Variants in KIFC3 observed in about 807,000 individuals in gnomAD.
KIFC3 encodes the protein kinesin-like protein KIFC3.
In KIFC3, 60 loss-of-function variants were observed where a neutral mutation model predicts 101.8. That is an observed-to-expected ratio of 0.59 (90% CI 0.48 to 0.73). The LOEUF (loss-of-function observed/expected upper bound fraction) is 0.73, where lower values mean the gene tolerates loss of function less well. KIFC3 is among the 30% of genes least tolerant of loss of function. The pLI, the probability that KIFC3 is intolerant of heterozygous loss-of-function variation, is 0.00. For missense variants in KIFC3, 966 were observed against 1,137.1 expected, an observed-to-expected ratio of 0.85 and a Z score of 2.16; for synonymous variants, 476 against 482.7, an observed-to-expected ratio of 0.99 and a Z score of 0.18.
intron 12 of KIFC3, among the ~76,000 whole-genome samples, 156 bp from the exon 13 acceptor site, chr16:57,762,426 C>CA (rs1239502494): frequency 3.3e-5 from 5 of 152,228 alleles, no homozygotes; most frequent in African/African-American, 1.2e-4. Flanking sequence ...TGCCCTCCAC[C>CA]AGCTGCGGGC....
At chr16:57,853,974 T>G (rs569018312) in intron 1 of KIFC3, among the ~76,000 whole-genome samples, 2 of 151,844 alleles carry the variant, frequency 1.3e-5, no homozygotes, top group South Asian at 4.2e-4. Context: ...CTGGGTCTCG[T>G]TCTGCCACCC....
intron 1 of KIFC3, among the ~76,000 whole-genome samples, chr16:57,859,830 T>C (rs2056255791): frequency 6.6e-6 from 1 of 151,796 alleles, no homozygotes; most frequent in African/African-American, 2.4e-5. Flanking sequence ...GAGACCAGCC[T>C]GGCCAACATG....
At chr16:57,816,866 G>A (rs782360300) in intron 1 of KIFC3, 25 of 405,768 alleles carry the variant, frequency 6.2e-5, no homozygotes, top group South Asian at 4.3e-4. Flanking sequence ...GTCTCCCTGT[G>A]ACCAAATCTG....
In KIFC3 at chr16:57,765,534, G is replaced by C; in HGVS notation, c.1437C>G (p.Ile479Met). The part of the protein sequence containing the change: ...VTFDADDDSI[I>M]HLLHKGKPVS... ...CAGGCTTGCCCTTGTGCAGCAGGTG[G>C]ATGATGGAGTCGTCGTCGGCATCGA... The change falls in exon 11 of 20, where the codon ATC becomes ATG. Residue 479 changes from isoleucine to methionine, a missense_variant. This residue lies in a region of KIFC3 where 689 missense variants were observed against 884.6 expected (regional missense o/e 0.78). Transcript: ENST00000445690. 1 of 1,597,210 alleles carries C rather than the reference G, an allele frequency of 6.3e-7. No individual in the cohort carries two copies. The highest frequency in any genetic ancestry group is 8.5e-7 in the Non-Finnish European group (1 of 1,171,284).
At chr16:57,787,342 C>T (rs952377498) in intron 3 of KIFC3, among the ~76,000 whole-genome samples, 7 of 152,230 alleles carry the variant, frequency 4.6e-5, no homozygotes, top group African/African-American at 1.7e-4. Flanking sequence ...GTGTGGGTGG[C>T]TGTTACACAA....
At chr16:57,780,667 A>ATTTTTTTTTT (rs1191334568) in intron 3 of KIFC3, among the ~76,000 whole-genome samples, 1 of 69,954 alleles carries the variant, frequency 1.4e-5, no homozygotes, top group African/African-American at 5.6e-5. Flanking sequence ...CTGAAGACAA[A>ATTTTTTTTTT]TTTTTTTTTT....
chr16:57,765,407 C>A, intron 11 of KIFC3, 52 bp downstream of exon 11: 1 of 1,515,890 alleles, frequency 6.6e-7, no homozygotes, highest in South Asian at 1.2e-5. Context: ...CCTGTGAGTC[C>A]ATCTTTCCCT....
At chr16:57,788,155 G>A (rs2053519691) in intron 3 of KIFC3, among the ~76,000 whole-genome samples, 1 of 152,212 alleles carries the variant, frequency 6.6e-6, no homozygotes, top group Non-Finnish European at 1.5e-5. Context: ...TCAAAGTCCT[G>A]TCCTAGGAGC....
rs2054497906 is a variant in KIFC3 at position 57,798,229 on chromosome 16, GC to G, written c.14del (p.Arg5ProfsTer51). 4 of 1,551,344 alleles carry G rather than the reference GC, an allele frequency of 2.6e-6. No homozygotes were observed. The highest frequency in any genetic ancestry group is 3.5e-6 in the Non-Finnish European group (4 of 1,148,316). On this transcript the variant is annotated frameshift_variant, in exon 2 of 20. Transcript: ENST00000445690. LOFTEE classifies it high-confidence loss of function. Reference sequence around the variant, plus strand: ...GCGTGGCTCCCAGGTTCCACGTCCTGCGAGAGGGGACCATGGCCTGGGGCTC... The same window carrying G: ...GCGTGGCTCCCAGGTTCCACGTCCTGGAGAGGGGACCATGGCCTGGGGCTC... The part of the protein sequence containing the change: MVPS[R>X]RTWNLGATPS...
chr16:57,759,425 G>A lies in KIFC3; in HGVS notation c.2477-272C>T, dbSNP rs2049545372. On this transcript the variant is annotated intron_variant, in intron 18 of 19. Transcript: ENST00000445690. The stretch of plus-strand genomic sequence containing the variant: ...GCTCTGGAGGGGGCTTACTGCACAG[G>A]CTCAGCCAGCCCATGCTCAGAGAGC... 1.0e-5 allele frequency: 6 copies of A among 589,068 alleles called. No homozygotes were observed. In the Admixed American group the frequency reaches 1.5e-4, roughly 15 times the overall value. The allele number at this position is 589,068 out of a possible 1,614,324, so 36.5% of individuals were successfully genotyped here. A position where few individuals can be genotyped will look rare whatever the true frequency, so the allele number is the denominator to read the frequency against.
At chr16:57,825,236 ACCACCATCAGT>A (rs1555630608) in intron 1 of KIFC3, among the ~76,000 whole-genome samples, 1 of 152,182 alleles carries the variant, frequency 6.6e-6, no homozygotes, top group Non-Finnish European at 1.5e-5. Context: ...GAGGAGAGGC[ACCACCATCAGT>A]CCTCATGAAT....
chr16:57,803,310 ACTC>A (rs2054849545), upstream of KIFC3: 2 of 687,628 alleles, frequency 2.9e-6, no homozygotes, highest in African/African-American at 3.5e-5. Context: ...TGGAGGAGCC[ACTC>A]TGTTCTTTGT....
At chr16:57,831,846 G>C (rs1186894399) in intron 1 of KIFC3, among the ~76,000 whole-genome samples, 1 of 152,086 alleles carries the variant, frequency 6.6e-6, no homozygotes, top group Admixed American at 6.6e-5. Flanking sequence ...TGGGAACCCT[G>C]ATCAGTTTGT....
At chr16:57,790,453 T>C (rs1051232788) in intron 3 of KIFC3, among the ~76,000 whole-genome samples, 55 of 151,858 alleles carry the variant, frequency 3.6e-4, no homozygotes, top group Non-Finnish European at 6.0e-4. Flanking sequence ...CTGTGTGTCT[T>C]TGTGACCTTT....
chr16:57,766,424 G>T (rs2148904671), intron 10 of KIFC3, among the ~76,000 whole-genome samples: 1 of 152,348 alleles, frequency 6.6e-6, no homozygotes, highest in African/African-American at 2.4e-5. Context: ...ACACTAAAGT[G>T]TGCACCGGGA....
intron 3 of KIFC3, among the ~76,000 whole-genome samples, chr16:57,789,042 GGCTT>G (rs1455989487): frequency 6.6e-6 from 1 of 152,202 alleles, no homozygotes; most frequent in African/African-American, 2.4e-5. Context: ...CACAGAGGCT[GGCTT>G]GCTTCCGGTG....
chr16:57,823,424 C>T (rs2055392777), intron 1 of KIFC3, among the ~76,000 whole-genome samples: 1 of 152,158 alleles, frequency 6.6e-6, no homozygotes, highest in African/African-American at 2.4e-5. Context: ...CTCAGGACCT[C>T]CTGAGGCTGT....
At chr16:57,776,238 A>G in intron 3 of KIFC3, 1 of 985,476 alleles carries the variant, frequency 1.0e-6, no homozygotes, top group Non-Finnish European at 1.2e-6. Context: ...GATCCAGACA[A>G]CCTCAAGGAA....
At chr16:57,858,858 G>A (rs946343985) in intron 1 of KIFC3, among the ~76,000 whole-genome samples, 3 of 152,128 alleles carry the variant, frequency 2.0e-5, no homozygotes, top group Admixed American at 6.6e-5. Flanking sequence ...GCTGAGGCAC[G>A]AGAATAGCTT....
Sources: gnomAD v4.1 joint callset for allele counts (sites outside exome capture counted in the v4.1 genomes callset) on GRCh38, gnomAD v4.1.1 for gene constraint, gnomAD v4.1.1 regional missense constraint, MANE v1.5 for transcripts, NCBI Gene and HGNC (gene_info 2026-07-23, HGNC 2026-07-21) for gene names.